The following DENND2A variants were observed in gnomAD, a reference collection of about 807,000 sequenced individuals.
DENND2A encodes the protein DENN domain-containing protein 2A.
A neutral mutation model predicts 105.3 loss-of-function variants in DENND2A; 53 were observed. The observed-to-expected ratio is 0.50, with a 90% CI of 0.40 to 0.63. DENND2A has a LOEUF of 0.63. Among genes scored for constraint, DENND2A ranks in the 30% least tolerant of loss-of-function variants. The pLI, the probability that DENND2A is intolerant of heterozygous loss-of-function variation, is 0.00. For missense variants in DENND2A, 1,138 were observed against 1,279.6 expected (o/e 0.89, Z 1.69); for synonymous variants, 522 against 508.4 (o/e 1.03, Z -0.36).
At chr7:140,580,001 G>A (rs760434703) in intron 5 of DENND2A, among the ~76,000 whole-genome samples, 17 of 152,098 alleles carry the variant, frequency 1.1e-4, no homozygotes, top group Non-Finnish European at 2.5e-4. Flanking sequence ...GGGCATGGTG[G>A]TGGACGCCCA....
Position 140,605,452 on chromosome 7 carries a change from C to T in DENND2A, c.-146+253G>A, listed in dbSNP as rs13239367. ...GAAAAATAAACCCAGAATTGGAATG[C>T]GTCATGGGGATAGGGCTAAAGTTAC... On this transcript the variant is annotated intron_variant, in intron 2 of 19. Transcript: ENST00000496613. 3.3e-3 allele frequency among the ~76,000 whole-genome samples: 500 copies of T among 152,272 alleles called. 6 individuals are homozygous for T. The highest frequency in any genetic ancestry group is 0.011 in the African/African-American group (473 of 41,546).
At chr7:140,528,640 C>T (rs1008301676) in intron 14 of DENND2A, among the ~76,000 whole-genome samples, 20 of 151,704 alleles carry the variant, frequency 1.3e-4, no homozygotes, top group East Asian at 7.8e-4. Context: ...GCATGGTGTA[C>T]GCCCAGCTAC....
rs75668888 is a variant in DENND2A at position 140,546,960 on chromosome 7, G to C, written c.2038-21C>G. 4,410 of 1,605,032 alleles carry C rather than the reference G, an allele frequency of 2.7e-3. 100 individuals carry two copies. The African/African-American group carries it at 0.05, about 18-fold the overall frequency. ...AAGATCTGCAAGGGTCAGAAAAGCAGCTTAGCTATTCCGAAGCCAAAGCAC... is the reference window on the plus strand; with the variant it reads ...AAGATCTGCAAGGGTCAGAAAAGCACCTTAGCTATTCCGAAGCCAAAGCAC... On this transcript the variant is annotated intron_variant, in intron 12 of 19. Coordinates refer to ENST00000496613, the MANE Select transcript of DENND2A (RefSeq NM_015689.5).
chr7:140,553,439 C>T (rs542677668), intron 12 of DENND2A, among the ~76,000 whole-genome samples: 5 of 152,126 alleles, frequency 3.3e-5, no homozygotes, highest in Non-Finnish European at 5.9e-5. Context: ...TGCGCAGGCA[C>T]GGCAGGAGAC....
chr7:140,641,279 T>TG (rs1159452690), upstream of DENND2A: 2 of 152,090 alleles, frequency 1.3e-5, no homozygotes, highest in African/African-American at 2.4e-5. Flanking sequence ...ATGCAGGTGA[T>TG]GGGGGCCGGG....
intron 5 of DENND2A, among the ~76,000 whole-genome samples, chr7:140,579,059 G>A (rs1470930329): frequency 1.3e-5 from 2 of 152,150 alleles, no homozygotes; most frequent in African/African-American, 4.8e-5. Flanking sequence ...ACTTTGGGAG[G>A]CCACGTTGGG....
At chr7:140,612,837 G>A (rs988324830) in intron 1 of DENND2A, among the ~76,000 whole-genome samples, 7 of 151,852 alleles carry the variant, frequency 4.6e-5, no homozygotes, top group South Asian at 2.1e-4. Context: ...GTTGAGGGCC[G>A]GGCGCAGTGG....
chr7:140,559,060 G>A lies in DENND2A; in HGVS notation c.1889+648C>T, dbSNP rs1220450801. On this transcript the variant is annotated intron_variant, in intron 10 of 19. Transcript: ENST00000496613. The surrounding 1 kb of genome is among the most constrained non-coding windows in gnomAD (Gnocchi z 4.1). ...CCTGGGGTGCTGTCCTCAGGGAACTGAGCATGTGTGAGTGCAGTGACATCT... is the reference window on the plus strand; with the variant it reads ...CCTGGGGTGCTGTCCTCAGGGAACTAAGCATGTGTGAGTGCAGTGACATCT... Among the ~76,000 whole-genome samples, 1 of 152,128 alleles carries A rather than the reference G, an allele frequency of 6.6e-6. No homozygotes were observed. The highest frequency in any genetic ancestry group is 1.5e-5 in the Non-Finnish European group (1 of 68,022).
At chr7:140,581,888 A>G (rs1175147038) in intron 5 of DENND2A, among the ~76,000 whole-genome samples, 1 of 152,156 alleles carries the variant, frequency 6.6e-6, no homozygotes, top group African/African-American at 2.4e-5. Context: ...CAGTGACAAG[A>G]AGAAAAGGGT....
chr7:140,592,630 G>C (rs1386981786), intron 3 of DENND2A, among the ~76,000 whole-genome samples: 3 of 147,852 alleles, frequency 2.0e-5, no homozygotes, highest in Middle Eastern at 3.9e-3. Context: ...GACAGAGTCT[G>C]GCTCTGTCGC....
In DENND2A at chr7:140,601,482, G is replaced by T. The variant is rs769392021; in HGVS notation, c.916C>A (p.Pro306Thr). Residue 306 changes from proline to threonine, a missense_variant, in exon 3 of 20, where the codon CCT becomes ACT. Pro to Thr is a conservative substitution (Grantham distance 38, BLOSUM62 -1). Transcript: ENST00000496613. ...GAAGGTGGGGGAGAGGAGGGCAGAG[G>T]CGGGGGAGGTAGAGAGGGCAGAGGA... ...LPPLPSLPPPPLPSSPPPSSV... is the reference protein window; with the variant it reads ...LPPLPSLPPPTLPSSPPPSSV... 2.5e-6 allele frequency: 4 copies of T among 1,613,744 alleles called. No homozygotes were observed. Among genetic ancestry groups the T allele is most frequent in the Admixed American group, 1.7e-5 (1 of 59,980 alleles).
chr7:140,561,458 A>T (rs1797608203), intron 9 of DENND2A, among the ~76,000 whole-genome samples: 1 of 151,702 alleles, frequency 6.6e-6, no homozygotes, highest in African/African-American at 2.4e-5. Flanking sequence ...TCTAACCTAA[A>T]TATAATGGCT....
Position 140,577,796 on chromosome 7 carries a change from G to A in DENND2A, c.1246-3788C>T, listed in dbSNP as rs565629168. Among the ~76,000 whole-genome samples the A allele has an allele frequency of 5.3e-5, 8 of 152,296 alleles. No individual in the cohort carries two copies. In the East Asian group the frequency reaches 1.5e-3, roughly 29 times the overall value. On this transcript the variant is annotated intron_variant, in intron 5 of 19. Coordinates refer to ENST00000496613, the MANE Select transcript of DENND2A (RefSeq NM_015689.5). ...ACTGTGTCCTTGTAGTATAAAAGCA[G>A]CTGTAGATAATACGTAAATGAATGC... is the stretch of plus-strand genomic sequence containing the variant.
intron 5 of DENND2A, among the ~76,000 whole-genome samples, chr7:140,575,161 G>A (rs1202746984): frequency 2.6e-5 from 4 of 152,034 alleles, no homozygotes; most frequent in African/African-American, 9.7e-5. Flanking sequence ...TGACTCAAAA[G>A]AAAAGCAGGC....
intron 13 of DENND2A, among the ~76,000 whole-genome samples, chr7:140,546,482 TA>T (rs1333829860): frequency 6.6e-6 from 1 of 152,134 alleles, no homozygotes; most frequent in Non-Finnish European, 1.5e-5. Flanking sequence ...TAGGTTTCAA[TA>T]AAATGTATGA....
At chr7:140,567,295 A>AC in intron 8 of DENND2A, 22 bp from the exon 9 acceptor site, 17 of 1,159,298 alleles carry the variant, frequency 1.5e-5, no homozygotes, top group Middle Eastern at 3.2e-4. Context: ...AGGGAGAGAG[A>AC]AAGAGAGAAA....
intron 7 of DENND2A, 33 bp downstream of exon 7, chr7:140,569,612 T>C: frequency 6.9e-7 from 1 of 1,442,132 alleles, no homozygotes. Context: ...TTTCCGATTC[T>C]TGCGGGAGGA....
chr7:140,579,036 C>T (rs866762314), intron 5 of DENND2A, among the ~76,000 whole-genome samples: 5 of 152,188 alleles, frequency 3.3e-5, no homozygotes, highest in Non-Finnish European at 7.3e-5. Context: ...TGGCTCATGC[C>T]TGTAATTCCA....
rs751864937 is a variant in DENND2A at position 140,558,201 on chromosome 7, G to A, written c.1901C>T (p.Ser634Leu). Reference sequence around the variant, plus strand: ...CCCATCTTCTCCAGTTAAGACAAATGAGAATGTTTCACTGTGGTTGGGAAA... The same window carrying A: ...CCCATCTTCTCCAGTTAAGACAAATAAGAATGTTTCACTGTGGTTGGGAAA... ...PVQQFTSETFSFVLTGEDGSR... is the reference protein window; with the variant it reads ...PVQQFTSETFLFVLTGEDGSR... The change falls in exon 11 of 20, where the codon TCA becomes TTA. Residue 634 changes from serine to leucine, a missense_variant. Ser to Leu is a moderately radical substitution (Grantham distance 145, BLOSUM62 -2). Transcript: ENST00000496613. 9.3e-6 allele frequency: 15 copies of A among 1,612,744 alleles called. No homozygotes were observed. The highest frequency in any genetic ancestry group is 1.3e-5 in the Non-Finnish European group (15 of 1,178,888).
Sources: gnomAD v4.1 joint callset for allele counts (sites outside exome capture counted in the v4.1 genomes callset) on GRCh38, gnomAD v4.1.1 for gene constraint, Gnocchi (gnomAD v3.1) non-coding constraint, MANE v1.5 for transcripts, NCBI Gene and HGNC (gene_info 2026-07-23, HGNC 2026-07-21) for gene names.